The following ARHGAP28 variants were observed in gnomAD, a reference collection of about 807,000 sequenced individuals.
ARHGAP28 encodes the protein Rho GTPase activating protein 28.
A neutral mutation model predicts 90.7 loss-of-function variants in ARHGAP28; 56 were observed. The ratio of observed to expected loss-of-function variants is 0.62; its 90% CI spans 0.50 to 0.77. ARHGAP28 has a LOEUF of 0.77. ARHGAP28 is among the 30% of genes least tolerant of loss of function. ARHGAP28 has a pLI of 0.00. For missense variants in ARHGAP28, 869 were observed against 900.9 expected, an observed-to-expected ratio of 0.96 and a Z score of 0.45; for synonymous variants, 308 against 323.3, an observed-to-expected ratio of 0.95 and a Z score of 0.51.
chr18:6,795,999 C>T (rs1158179343), intron 1 of ARHGAP28, among the ~76,000 whole-genome samples: 1 of 152,216 alleles, frequency 6.6e-6, no homozygotes, highest in African/African-American at 2.4e-5. Flanking sequence ...ATATCTAAAG[C>T]CTACAGGCTT....
intron 2 of ARHGAP28, among the ~76,000 whole-genome samples, chr18:6,833,431 CTTCTCTCTCTCTCT>C (rs1431868217): frequency 6.6e-6 from 1 of 151,696 alleles, no homozygotes; most frequent in African/African-American, 2.4e-5. Flanking sequence ...GTTTCTCTTT[CTTCTCTCTCTCTCT>C]TTCTCTCTCT....
chr18:6,730,312 TGAAAA>T (rs1376209240), intron 1 of ARHGAP28, among the ~76,000 whole-genome samples: 24 of 150,672 alleles, frequency 1.6e-4, no homozygotes, highest in African/African-American at 5.7e-4. Context: ...AAGCAGCACA[TGAAAA>T]GAAAACAGTA....
intron 1 of ARHGAP28, among the ~76,000 whole-genome samples, chr18:6,772,811 T>G (rs1211613920): frequency 1.3e-5 from 2 of 152,152 alleles, no homozygotes; most frequent in Non-Finnish European, 1.5e-5. Flanking sequence ...CTCGGCTCAC[T>G]GCAACATCTG....
intron 7 of ARHGAP28, among the ~76,000 whole-genome samples, chr18:6,872,345 C>T (rs73386314): frequency 0.014 from 2,095 of 152,284 alleles, 47 homozygotes; most frequent in African/African-American, 0.048. Flanking sequence ...ACTAGCTAAG[C>T]ATTTAATAGC....
At chr18:6,868,027 C>T (rs2057051271) in intron 5 of ARHGAP28, 123 bp from the exon 6 acceptor site, 1 of 764,824 alleles carries the variant, frequency 1.3e-6, no homozygotes, top group Non-Finnish European at 2.1e-6. Context: ...TTTATGAAAT[C>T]AAGAATGGCT....
Position 6,824,785 on chromosome 18 carries a change from GA to G in ARHGAP28, c.148del (p.Ile50LeufsTer24), listed in dbSNP as rs1171452820. Reference sequence around the variant, plus strand: ...AGAAAATCCATTCCTCGCTGCCGAAGAATTAACAGGATGCTCTCCAATGAAT... The same window carrying G: ...AGAAAATCCATTCCTCGCTGCCGAAGATTAACAGGATGCTCTCCAATGAAT... ...LSRKSIPRCR[R>X]INRMLSNESL... On this transcript the variant is annotated frameshift_variant, in exon 2 of 18. Transcript: ENST00000383472. LOFTEE classifies it high-confidence loss of function. 8 of 1,535,802 alleles carry G rather than the reference GA, an allele frequency of 5.2e-6. No individual in the cohort carries two copies. The Admixed American group carries it at 7.9e-5, about 15-fold the overall frequency.
intron 17 of ARHGAP28, among the ~76,000 whole-genome samples, chr18:6,910,286 C>T (rs940668640): frequency 2.0e-5 from 3 of 152,216 alleles, no homozygotes; most frequent in Non-Finnish European, 4.4e-5. Flanking sequence ...ATTTCTTGTC[C>T]TCTCAGCCTT....
rs371842173 is a variant in ARHGAP28, at chr18:6,911,000, A to G, written c.2096-1060A>G. On this transcript the variant is annotated intron_variant, in intron 17 of 17. Coordinates refer to ENST00000383472, the MANE Select transcript of ARHGAP28 (RefSeq NM_001366230.1). ...GCTGGGATTACAGGCGCCCATCACC[A>G]CGCCCGGCTAATTTTGCTAGAGATG... Among the ~76,000 whole-genome samples the G allele has an allele frequency of 3.2e-3, 493 of 151,930 alleles. 6 individuals are homozygous for G. The highest frequency in any genetic ancestry group is 0.011 in the African/African-American group (462 of 41,416).
chr18:6,757,950 G>T (rs1398245897), intron 1 of ARHGAP28, among the ~76,000 whole-genome samples: 9 of 152,148 alleles, frequency 5.9e-5, no homozygotes, highest in Non-Finnish European at 1.2e-4. Context: ...AAGACAGCAT[G>T]GTTTCCCTGA....
intron 1 of ARHGAP28, among the ~76,000 whole-genome samples, chr18:6,746,804 A>T (rs1251602873): frequency 6.6e-6 from 1 of 152,102 alleles, no homozygotes; most frequent in Non-Finnish European, 1.5e-5. Flanking sequence ...GGAATAAAAG[A>T]GAAAGAGAAA....
intron 10 of ARHGAP28, among the ~76,000 whole-genome samples, chr18:6,880,507 C>T (rs1216354691): frequency 1.3e-5 from 2 of 152,228 alleles, no homozygotes; most frequent in Non-Finnish European, 2.9e-5. Flanking sequence ...CCTTGCCATT[C>T]CCGTGCTTAG....
At chr18:6,777,073 A>G (rs187427920) in intron 1 of ARHGAP28, among the ~76,000 whole-genome samples, 5 of 152,302 alleles carry the variant, frequency 3.3e-5, no homozygotes, top group East Asian at 1.9e-4. Context: ...TGTTTTGTCA[A>G]CATGACTCTT....
At chr18:6,791,523 T>G (rs1389167312) in intron 1 of ARHGAP28, 1 of 152,144 alleles carries the variant, frequency 6.6e-6, no homozygotes, top group Non-Finnish European at 1.5e-5. Flanking sequence ...TATGTAAACA[T>G]TGGGACATGA....
chr18:6,751,259 G>A (rs2056066819), intron 1 of ARHGAP28, among the ~76,000 whole-genome samples: 1 of 151,604 alleles, frequency 6.6e-6, no homozygotes, highest in Non-Finnish European at 1.5e-5. Flanking sequence ...ACAGAGAAAT[G>A]TTAATCTACG....
rs149592789 is a variant in ARHGAP28, at chr18:6,754,182, T to C, written c.122+24239T>C. On this transcript the variant is annotated intron_variant, in intron 1 of 17. Transcript: ENST00000383472. ...GCTGTAATTACTTTCCTTAAATCTT[T>C]AGTGATATTTACTTCTTTCTATTAA... 2.4e-3 allele frequency among the ~76,000 whole-genome samples: 368 copies of C among 152,340 alleles called. 1 individual carries two copies. Among genetic ancestry groups the C allele is most frequent in the African/African-American group, 8.5e-3 (354 of 41,580 alleles).
In ARHGAP28 at chr18:6,743,879, G is replaced by C. The variant is rs181353412; in HGVS notation, c.122+13936G>C. Among the ~76,000 whole-genome samples the C allele has an allele frequency of 2.0e-4, 31 of 152,284 alleles. No individual in the cohort carries two copies. The East Asian group carries it at 6.0e-3, about 29-fold the overall frequency. ...GGGCTACAAAAATGGTTAATAGCTG[G>C]TCCTTAAGTGAGAAATGTATTCATG... On this transcript the variant is annotated intron_variant, in intron 1 of 17. Coordinates refer to ENST00000383472, the MANE Select transcript of ARHGAP28 (RefSeq NM_001366230.1).
intron 11 of ARHGAP28, among the ~76,000 whole-genome samples, chr18:6,884,338 C>A (rs926751131): frequency 6.6e-6 from 1 of 152,164 alleles, no homozygotes; most frequent in African/African-American, 2.4e-5. Context: ...CGTGCCACTG[C>A]ACTCCAGCCT....
chr18:6,738,569 G>C (rs2055948167), intron 1 of ARHGAP28, among the ~76,000 whole-genome samples: 1 of 151,456 alleles, frequency 6.6e-6, no homozygotes, highest in Non-Finnish European at 1.5e-5. Flanking sequence ...AAGATCAGTA[G>C]AGAAATCTGA....
chr18:6,881,668 A>G lies in ARHGAP28; in HGVS notation c.1291-469A>G, dbSNP rs1194044601. 2.6e-5 allele frequency among the ~76,000 whole-genome samples: 4 copies of G among 152,208 alleles called. No homozygotes were observed. In the East Asian group the frequency reaches 7.7e-4, roughly 29 times the overall value. On this transcript the variant is annotated intron_variant, in intron 10 of 17. Coordinates refer to ENST00000383472, the MANE Select transcript of ARHGAP28 (RefSeq NM_001366230.1). ...GGTTTGCATGTTGCAGCGAGGTCAG[A>G]GTTACTTTATTGGGATATTTCTCAT...
Sources: gnomAD v4.1 joint callset for allele counts (sites outside exome capture counted in the v4.1 genomes callset) on GRCh38, gnomAD v4.1.1 for gene constraint, MANE v1.5 for transcripts, NCBI Gene and HGNC (gene_info 2026-07-23, HGNC 2026-07-21) for gene names.